ZRANB3: variants seen among roughly 807,000 people sequenced by gnomAD.
ZRANB3 encodes zinc finger RANBP2-type containing 3.
Under a neutral mutation model 133.8 loss-of-function variants are expected in ZRANB3, and 125 were observed. The observed-to-expected ratio is 0.93, with a 90% CI of 0.81 to 1.08. The LOEUF is 1.08. Ranked by LOEUF, ZRANB3 falls within the 50% of genes least tolerant of loss-of-function variation. ZRANB3 has a pLI of 0.00. For synonymous variants in ZRANB3, 387 were observed against 432.7 expected (o/e 0.89, Z 1.31); for missense variants, 1,229 against 1,275.5 (o/e 0.96, Z 0.56).
rs1053416958 is a variant in ZRANB3 at position 135,511,943 on chromosome 2, T to C, written c.-7-7447A>G. The C allele has an allele frequency of 2.1e-5, 16 of 751,980 alleles. No individual in the cohort carries two copies. In the African/African-American group the frequency reaches 2.8e-4, roughly 13 times the overall value. The allele number at this position is 751,980 out of a possible 1,614,324, so 46.6% of individuals were successfully genotyped here. A position where few individuals can be genotyped will look rare whatever the true frequency, so the allele number is the denominator to read the frequency against. On this transcript the variant is annotated intron_variant, in intron 1 of 20. Transcript: ENST00000264159. ...AGGGGACTAGCCTTCTCCATCACCA[T>C]TGCTTTGGTCAATTCAAACTGAGGG...
intron 2 of ZRANB3, among the ~76,000 whole-genome samples, chr2:135,464,975 A>T (rs1328343242): frequency 6.6e-6 from 1 of 152,198 alleles, no homozygotes; most frequent in Middle Eastern, 3.2e-3. Context: ...CTCAGCCTGG[A>T]GGGCATGCTA....
At chr2:135,481,258 A>T (rs528056515) in intron 2 of ZRANB3, among the ~76,000 whole-genome samples, 1 of 151,060 alleles carries the variant, frequency 6.6e-6, no homozygotes, top group Non-Finnish European at 1.5e-5. Context: ...CTATTTCTCC[A>T]CATCCTCTCC....
At chr2:135,436,870 C>CAA (rs1182002066) in intron 2 of ZRANB3, among the ~76,000 whole-genome samples, 1 of 152,054 alleles carries the variant, frequency 6.6e-6, no homozygotes, top group African/African-American at 2.4e-5. Flanking sequence ...AACTATACTA[C>CAA]AAGGCTAGAG....
intron 8 of ZRANB3, among the ~76,000 whole-genome samples, chr2:135,299,163 T>G (rs1294725039): frequency 2.0e-5 from 3 of 152,102 alleles, no homozygotes; most frequent in Non-Finnish European, 4.4e-5. Flanking sequence ...AGACTCTCCT[T>G]GGGCTGGGAC....
intron 12 of ZRANB3, among the ~76,000 whole-genome samples, chr2:135,251,640 C>T (rs550480817): frequency 6.6e-6 from 1 of 152,288 alleles, no homozygotes; most frequent in South Asian, 2.1e-4. Flanking sequence ...TCCTCTTTTG[C>T]TTCCTTCTCA....
intron 12 of ZRANB3, among the ~76,000 whole-genome samples, chr2:135,265,121 C>T (rs1239453024): frequency 6.6e-6 from 1 of 152,126 alleles, no homozygotes; most frequent in Non-Finnish European, 1.5e-5. Context: ...ATACTTTGGA[C>T]ATTGTAATGC....
At chr2:135,498,568 G>T (rs141632172) in intron 2 of ZRANB3, among the ~76,000 whole-genome samples, 2 of 152,144 alleles carry the variant, frequency 1.3e-5, no homozygotes, top group South Asian at 2.1e-4. Flanking sequence ...CTTGAAAAAA[G>T]AACAGGATAA....
chr2:135,471,874 C>T (rs906218907), intron 2 of ZRANB3, among the ~76,000 whole-genome samples: 1 of 152,152 alleles, frequency 6.6e-6, no homozygotes, highest in Non-Finnish European at 1.5e-5. Flanking sequence ...CATTACATGA[C>T]TAGTCTTTGG....
At chr2:135,474,836 G>A (rs181180149) in intron 2 of ZRANB3, among the ~76,000 whole-genome samples, 2 of 152,178 alleles carry the variant, frequency 1.3e-5, no homozygotes, top group East Asian at 3.9e-4. Context: ...TCAATATCTA[G>A]GTGTTCAAAG....
chr2:135,266,642 G>A (rs1188614043), intron 11 of ZRANB3, among the ~76,000 whole-genome samples: 1 of 151,994 alleles, frequency 6.6e-6, no homozygotes, highest in African/African-American at 2.4e-5. Flanking sequence ...GCGGGCGCCT[G>A]TAGTCCCAGC....
At chr2:135,293,741 A>G (rs1681885281) in intron 8 of ZRANB3, among the ~76,000 whole-genome samples, 1 of 150,252 alleles carries the variant, frequency 6.7e-6, no homozygotes, top group African/African-American at 2.5e-5. Flanking sequence ...TTTGTCATAG[A>G]TAGCTCTTAT....
chr2:135,258,864 C>T (rs1679794008), intron 12 of ZRANB3, among the ~76,000 whole-genome samples: 1 of 152,152 alleles, frequency 6.6e-6, no homozygotes, highest in South Asian at 2.1e-4. Flanking sequence ...GGTCAACTTT[C>T]TTTTTGCTGT....
At chr2:135,413,852 A>T (rs564164131) in intron 2 of ZRANB3, among the ~76,000 whole-genome samples, 1 of 152,166 alleles carries the variant, frequency 6.6e-6, no homozygotes, top group Non-Finnish European at 1.5e-5. Context: ...TATCCAGCCA[A>T]ACTAGGCTTC....
intron 2 of ZRANB3, among the ~76,000 whole-genome samples, chr2:135,486,899 A>G (rs1432748470): frequency 6.6e-6 from 1 of 152,066 alleles, no homozygotes; most frequent in Admixed American, 6.6e-5. Flanking sequence ...TGACATTTTA[A>G]CCTCCTCCCA....
chr2:135,504,223 C>T (rs772499522), intron 2 of ZRANB3, 106 bp downstream of exon 2: 3 of 1,330,150 alleles, frequency 2.3e-6, no homozygotes, highest in African/African-American at 2.9e-5. Context: ...ATCAATTCTA[C>T]TAAAGAAAGA....
At chr2:135,396,837 G>A (rs889632035) in intron 2 of ZRANB3, among the ~76,000 whole-genome samples, 1 of 151,994 alleles carries the variant, frequency 6.6e-6, no homozygotes, top group Non-Finnish European at 1.5e-5. Context: ...GTAACATAAT[G>A]AATAAATGCT....
At chr2:135,258,844 C>T (rs1679793290) in intron 12 of ZRANB3, among the ~76,000 whole-genome samples, 1 of 152,202 alleles carries the variant, frequency 6.6e-6, no homozygotes, top group South Asian at 2.1e-4. Flanking sequence ...ACAAGTGCCA[C>T]AGCTCCTGTG....
intron 2 of ZRANB3, among the ~76,000 whole-genome samples, chr2:135,478,216 T>G (rs1415974863): frequency 6.6e-6 from 1 of 152,092 alleles, no homozygotes. Context: ...GTATATATAA[T>G]GAAAAGCAAA....
chr2:135,480,232 G>C (rs550470688), intron 2 of ZRANB3, among the ~76,000 whole-genome samples: 10 of 152,122 alleles, frequency 6.6e-5, no homozygotes, highest in African/African-American at 2.4e-4. Flanking sequence ...GTGAGCCACA[G>C]CGCTTGGCCT....
Sources: allele counts gnomAD v4.1 joint callset (sites outside exome capture counted in the v4.1 genomes callset), GRCh38; gene constraint gnomAD v4.1.1; transcripts MANE v1.5; gene names NCBI Gene and HGNC (gene_info 2026-07-23, HGNC 2026-07-21).